Variants in SESTD1 observed in about 807,000 individuals in gnomAD.
The protein encoded by SESTD1 is SEC14 domain and spectrin repeat-containing protein 1.
SESTD1 carries 43 observed loss-of-function variants against 101.7 expected under a neutral mutation model. The ratio of observed to expected loss-of-function variants is 0.42; its 90% CI spans 0.33 to 0.55. SESTD1 has a LOEUF of 0.55. Among genes scored for constraint, SESTD1 ranks in the 20% least tolerant of loss-of-function variants. The pLI is 0.07. For synonymous variants in SESTD1, 283 were observed against 286.8 expected (o/e 0.99, Z 0.13); for missense variants, 647 against 815.1 (o/e 0.79, Z 2.51).
intron 1 of SESTD1, among the ~76,000 whole-genome samples, chr2:179,204,103 A>C (rs935202061): frequency 7.5e-6 from 1 of 133,684 alleles, no homozygotes; most frequent in Non-Finnish European, 1.6e-5. Flanking sequence ...ATTGTCATTG[A>C]AAAGTTTCAT....
chr2:179,164,853 A>C (rs2045807377), intron 5 of SESTD1, among the ~76,000 whole-genome samples: 1 of 152,220 alleles, frequency 6.6e-6, no homozygotes, highest in Non-Finnish European at 1.5e-5. Flanking sequence ...CTGGTAATAA[A>C]TCTTTGTTGC....
intron 4 of SESTD1, among the ~76,000 whole-genome samples, chr2:179,175,422 T>C (rs959492506): frequency 3.9e-5 from 6 of 152,234 alleles, no homozygotes; most frequent in Non-Finnish European, 4.4e-5. Context: ...ACCTTATTTG[T>C]TGAATTCATT....
At chr2:179,134,858 G>C (rs569688665) in intron 9 of SESTD1, among the ~76,000 whole-genome samples, 2 of 152,028 alleles carry the variant, frequency 1.3e-5, no homozygotes, top group African/African-American at 4.8e-5. Flanking sequence ...TCTAAAACTC[G>C]TTTCTATCTG....
intron 8 of SESTD1, among the ~76,000 whole-genome samples, chr2:179,144,080 T>C (rs971932599): frequency 1.3e-5 from 2 of 152,068 alleles, no homozygotes; most frequent in South Asian, 2.1e-4. Context: ...ACCTTAGAAA[T>C]ACTATACTAC....
In SESTD1 at chr2:179,112,765, T is replaced by C. The variant is rs2044537441; in HGVS notation, c.1920A>G (p.Ser640=). The stretch of plus-strand genomic sequence containing the variant: ...CTGGAACAGTTAATCTATCCAAAAG[T>C]GATTTCCCAACTGCTTCAATTTCAT... The part of the protein sequence containing the change: ...QFDEIEAVGK[S]LLDRLTVPVV... Residue 640 remains serine, a synonymous_variant, in exon 17 of 18, where the codon TCA becomes TCG. Transcript: ENST00000428443. 4 of 1,613,212 alleles carry C rather than the reference T, an allele frequency of 2.5e-6. No homozygotes were observed. The South Asian group carries it at 3.3e-5, about 13-fold the overall frequency.
chr2:179,234,642 G>GT (rs2047039727), intron 1 of SESTD1, among the ~76,000 whole-genome samples: 1 of 152,064 alleles, frequency 6.6e-6, no homozygotes, highest in Admixed American at 6.5e-5. Context: ...TACATCACCA[G>GT]TAAAGGAACA....
intron 5 of SESTD1, among the ~76,000 whole-genome samples, chr2:179,165,384 C>A (rs1412773749): frequency 6.6e-6 from 1 of 152,186 alleles, no homozygotes; most frequent in Non-Finnish European, 1.5e-5. Flanking sequence ...TAAGACCCAA[C>A]TACCAGAGCA....
chr2:179,161,296 G>C (rs1174340096), intron 5 of SESTD1, among the ~76,000 whole-genome samples: 1 of 151,878 alleles, frequency 6.6e-6, no homozygotes, highest in Admixed American at 6.6e-5. Flanking sequence ...TGACATTAAG[G>C]CTCTTCAGTT....
chr2:179,257,295 A>T (rs889143412), intron 1 of SESTD1, among the ~76,000 whole-genome samples: 1 of 152,206 alleles, frequency 6.6e-6, no homozygotes, highest in Non-Finnish European at 1.5e-5. Flanking sequence ...CCTGATCAGT[A>T]GCTATAAACA....
Position 179,107,956 on chromosome 2 carries a change from G to GACC in SESTD1, c.*1940_*1942dup, listed in dbSNP as rs1399144934. ...CTTCCTGGATGTTCTCAGAAGCAGT[G>GACC]ACCACATAAGACAAGAGGGAGCAGT... On this transcript the variant is annotated 3_prime_UTR_variant, in exon 18 of 18. Coordinates refer to ENST00000428443, the MANE Select transcript of SESTD1 (RefSeq NM_178123.5). 6.6e-6 allele frequency: 1 copy of GACC among 152,150 alleles called. No homozygotes were observed. Among genetic ancestry groups the GACC allele is most frequent in the Non-Finnish European group, 1.5e-5 (1 of 68,028 alleles). 9.4% of individuals were successfully genotyped at this position (152,150 alleles called of 1,614,324 possible).
intron 5 of SESTD1, among the ~76,000 whole-genome samples, chr2:179,164,520 A>G (rs924862584): frequency 6.6e-6 from 1 of 152,214 alleles, no homozygotes; most frequent in Non-Finnish European, 1.5e-5. Flanking sequence ...TCATCAAACC[A>G]GCAAAACCTA....
intron 7 of SESTD1, among the ~76,000 whole-genome samples, chr2:179,146,722 T>G (rs1168333742): frequency 6.6e-6 from 1 of 152,226 alleles, no homozygotes; most frequent in Non-Finnish European, 1.5e-5. Context: ...TAATATTATT[T>G]CAAATATATC....
Position 179,258,311 on chromosome 2 carries a change from A to G in SESTD1, c.-26+6188T>C, listed in dbSNP as rs896778211. 2.0e-5 allele frequency among the ~76,000 whole-genome samples: 3 copies of G among 152,202 alleles called. No homozygotes were observed. In the South Asian group the frequency reaches 6.2e-4, roughly 32 times the overall value. Reference sequence around the variant, plus strand: ...AATAGATAGAATTCCTAAACTTTCTAAACTATTACTGAATCACAATTCATG... The same window carrying G: ...AATAGATAGAATTCCTAAACTTTCTGAACTATTACTGAATCACAATTCATG... On this transcript the variant is annotated intron_variant, in intron 1 of 17. Coordinates refer to ENST00000428443, the MANE Select transcript of SESTD1 (RefSeq NM_178123.5).
At chr2:179,139,685 C>G (rs1178388691) in intron 9 of SESTD1, among the ~76,000 whole-genome samples, 2 of 152,178 alleles carry the variant, frequency 1.3e-5, no homozygotes, top group East Asian at 3.9e-4. Flanking sequence ...AAGGACCCCA[C>G]TGACTCACCT....
At chr2:179,179,459 G>A (rs10176828) in intron 3 of SESTD1, among the ~76,000 whole-genome samples, 1,749 of 152,198 alleles carry the variant, frequency 0.011, 30 homozygotes, top group African/African-American at 0.037. Context: ...ATTTCCTGGG[G>A]CCAACATCCT....
intron 9 of SESTD1, among the ~76,000 whole-genome samples, chr2:179,136,959 T>G (rs1323562642): frequency 6.6e-6 from 1 of 152,156 alleles, no homozygotes; most frequent in Admixed American, 6.5e-5. Context: ...ACATCAGTAA[T>G]GTAGACACAG....
intron 1 of SESTD1, among the ~76,000 whole-genome samples, chr2:179,226,254 G>C (rs141196152): frequency 6.6e-6 from 1 of 152,114 alleles, no homozygotes; most frequent in African/African-American, 2.4e-5. Flanking sequence ...CCAGTGTGGG[G>C]AAAAATCTGA....
chr2:179,225,150 C>CGT (rs2046866535), intron 1 of SESTD1, among the ~76,000 whole-genome samples: 2 of 152,082 alleles, frequency 1.3e-5, no homozygotes, highest in Non-Finnish European at 2.9e-5. Context: ...TTACAGGATA[C>CGT]CCAGTTGGTG....
chr2:179,240,135 G>A (rs28429631), intron 1 of SESTD1, among the ~76,000 whole-genome samples: 1 of 152,186 alleles, frequency 6.6e-6, no homozygotes, highest in Non-Finnish European at 1.5e-5. Flanking sequence ...GAATCCTATA[G>A]AATAGAATTC....
Sources: allele counts gnomAD v4.1 joint callset (sites outside exome capture counted in the v4.1 genomes callset), GRCh38; gene constraint gnomAD v4.1.1; transcripts MANE v1.5; gene names NCBI Gene and HGNC (gene_info 2026-07-23, HGNC 2026-07-21).